Variants in SNX29 observed in about 807,000 individuals in gnomAD.
SNX29 encodes the protein sorting nexin-29.
A neutral mutation model predicts 102.1 loss-of-function variants in SNX29; 78 were observed. The ratio of observed to expected loss-of-function variants is 0.76; its 90% CI spans 0.64 to 0.92. The LOEUF (loss-of-function observed/expected upper bound fraction) is 0.92, where lower values mean the gene tolerates loss of function less well. Ranked by LOEUF, SNX29 falls within the 40% of genes least tolerant of loss-of-function variation. SNX29 has a pLI of 0.00. For synonymous variants in SNX29, 580 were observed against 414.5 expected (o/e 1.40, Z -4.85); for missense variants, 1,280 against 1,061.7 (o/e 1.21, Z -2.86).
intron 11 of SNX29, among the ~76,000 whole-genome samples, chr16:12,125,603 C>CT (rs1273937330): frequency 8.4e-5 from 6 of 71,490 alleles, no homozygotes; most frequent in South Asian, 5.7e-4. Context: ...GCTGAGATCT[C>CT]TCTTTTTTTT....
intron 20 of SNX29, among the ~76,000 whole-genome samples, chr16:12,543,376 A>T (rs2077431852): frequency 6.6e-6 from 1 of 152,188 alleles, no homozygotes; most frequent in South Asian, 2.1e-4. Context: ...TCATGGACTG[A>T]ACATGATTAT....
Position 12,398,519 on chromosome 16 carries a change from G to A in SNX29, c.1955+18G>A, listed in dbSNP as rs764139703. On this transcript the variant is annotated intron_variant, in intron 17 of 20. Coordinates refer to ENST00000566228, the MANE Select transcript of SNX29 (RefSeq NM_032167.5). ...TTTGAAATGTAAGTCCACAGCCTGT[G>A]CTCACAAGGGGTCCTTTAGAAACTG... is the stretch of plus-strand genomic sequence containing the variant. 7.4e-6 allele frequency: 12 copies of A among 1,613,882 alleles called. No individual in the cohort carries two copies. The Admixed American group carries it at 2.0e-4, about 27-fold the overall frequency.
intron 20 of SNX29, among the ~76,000 whole-genome samples, chr16:12,559,004 G>A (rs2078551114): frequency 6.6e-6 from 1 of 152,148 alleles, no homozygotes; most frequent in African/African-American, 2.4e-5. Flanking sequence ...CACAGTTATG[G>A]GGGAGAGAGA....
intron 3 of SNX29, among the ~76,000 whole-genome samples, chr16:12,022,545 G>A (rs2057059757): frequency 1.3e-5 from 2 of 152,032 alleles, no homozygotes; most frequent in Admixed American, 6.6e-5. Context: ...TGTAACCATC[G>A]ATCACAATTC....
At chr16:12,017,896 G>A (rs983920970) in intron 3 of SNX29, among the ~76,000 whole-genome samples, 2 of 151,770 alleles carry the variant, frequency 1.3e-5, no homozygotes, top group African/African-American at 4.8e-5. Context: ...TTGGGTGGGG[G>A]GGCTTTCTTT....
chr16:12,314,080 G>A (rs1238086522), intron 15 of SNX29, among the ~76,000 whole-genome samples: 1 of 152,216 alleles, frequency 6.6e-6, no homozygotes, highest in Non-Finnish European at 1.5e-5. Context: ...CCAACTGTTG[G>A]GCTCAGGTGA....
chr16:12,552,250 C>T (rs903053374), intron 20 of SNX29, among the ~76,000 whole-genome samples: 2 of 147,240 alleles, frequency 1.4e-5, no homozygotes, highest in African/African-American at 4.9e-5. Flanking sequence ...AGCTTTGCCT[C>T]CTAGGGGCTC....
Position 12,243,121 on chromosome 16 carries a change from T to G in SNX29, c.1679-34812T>G, listed in dbSNP as rs2078161978. Among the ~76,000 whole-genome samples, 3 of 152,244 alleles carry G rather than the reference T, an allele frequency of 2.0e-5. No homozygotes were observed. The South Asian group carries it at 6.2e-4, about 32-fold the overall frequency. On this transcript the variant is annotated intron_variant, in intron 14 of 20. Coordinates refer to ENST00000566228, the MANE Select transcript of SNX29 (RefSeq NM_032167.5). ...TGTGGGTGGCACACAGCAGAGACAC[T>G]ATTTGTCTTCTCGCTCTTTCTGTAT...
intron 15 of SNX29, among the ~76,000 whole-genome samples, chr16:12,304,634 C>A (rs150601096): frequency 0.011 from 1,724 of 152,310 alleles, 15 homozygotes; most frequent in Non-Finnish European, 0.02. Flanking sequence ...CTCAAGTGAT[C>A]CACCTGCCTT....
At chr16:12,545,981 C>T (rs1042915388) in intron 20 of SNX29, among the ~76,000 whole-genome samples, 12 of 152,136 alleles carry the variant, frequency 7.9e-5, no homozygotes, top group African/African-American at 2.9e-4. Flanking sequence ...TCAGTGGGCA[C>T]TGTAGTTTGA....
chr16:12,026,215 C>G (rs149617751), intron 3 of SNX29, among the ~76,000 whole-genome samples: 1 of 152,208 alleles, frequency 6.6e-6, no homozygotes, highest in Admixed American at 6.5e-5. Context: ...CCAAGGCCAC[C>G]TTCATTCAGC....
At chr16:12,438,446 A>T (rs926660526) in intron 18 of SNX29, among the ~76,000 whole-genome samples, 37 of 152,134 alleles carry the variant, frequency 2.4e-4, no homozygotes, top group African/African-American at 8.7e-4. Context: ...ACTCCAGCCC[A>T]GGACCCCTTT....
intron 20 of SNX29, among the ~76,000 whole-genome samples, chr16:12,536,455 C>G (rs376486090): frequency 7.9e-4 from 120 of 152,184 alleles, no homozygotes; most frequent in African/African-American, 2.7e-3. Flanking sequence ...GGGTTTGACT[C>G]AAGGCTATGC....
chr16:12,481,346 T>G (rs1055600487), intron 19 of SNX29, among the ~76,000 whole-genome samples: 1 of 151,920 alleles, frequency 6.6e-6, no homozygotes, highest in African/African-American at 2.4e-5. Context: ...TAATTAACTT[T>G]TAATAAGCTG....
chr16:12,085,607 G>A (rs930964244), intron 11 of SNX29, among the ~76,000 whole-genome samples: 13 of 152,294 alleles, frequency 8.5e-5, no homozygotes, highest in Admixed American at 7.2e-4. Context: ...GATTATAGGC[G>A]TGAGCCACCG....
chr16:12,140,824 A>G (rs1278097679), intron 13 of SNX29, among the ~76,000 whole-genome samples: 3 of 152,188 alleles, frequency 2.0e-5, no homozygotes, highest in African/African-American at 7.2e-5. Flanking sequence ...ACTTTGGCAT[A>G]TTTGGACTTG....
At position 12,048,550 on chromosome 16, in the gene SNX29, C is replaced by T. The variant is rs1179338103; in HGVS notation, c.678C>T (p.Ala226=). 8.7e-6 allele frequency: 14 copies of T among 1,613,800 alleles called. No homozygotes were observed. The highest frequency in any genetic ancestry group is 3.3e-5 in the South Asian group (3 of 91,082). The change falls in exon 7 of 21, where the codon GCC becomes GCT. Residue 226 remains alanine, a synonymous_variant. Transcript: ENST00000566228. Reference sequence around the variant, plus strand: ...TCAGGGAGATCACAGCCTCCTCTGCCGTCTCCATCCTCATCAAACCTGAAC... The same window carrying T: ...TCAGGGAGATCACAGCCTCCTCTGCTGTCTCCATCCTCATCAAACCTGAAC... ...SLFREITASS[A]VSILIKPEQE... is the part of the protein sequence containing the mutation.
chr16:12,210,325 CTT>C (rs5815673), intron 14 of SNX29, among the ~76,000 whole-genome samples: 269 of 141,734 alleles, frequency 1.9e-3, no homozygotes, highest in Non-Finnish European at 1.8e-3. Context: ...GTTCCCTCCA[CTT>C]TTTTTTTTTT....
At chr16:12,061,338 T>C (rs887611054) in intron 8 of SNX29, among the ~76,000 whole-genome samples, 190 bp from the exon 9 acceptor site, 2 of 152,166 alleles carry the variant, frequency 1.3e-5, no homozygotes, top group Non-Finnish European at 2.9e-5. Flanking sequence ...CAGTAAACAC[T>C]GGTTGAGAGA....
Sources: gnomAD v4.1 joint callset for allele counts (sites outside exome capture counted in the v4.1 genomes callset) on GRCh38, gnomAD v4.1.1 for gene constraint, MANE v1.5 for transcripts, NCBI Gene and HGNC (gene_info 2026-07-23, HGNC 2026-07-21) for gene names.